RAB7A: variants seen among roughly 807,000 people sequenced by gnomAD.
The protein encoded by RAB7A is ras-related protein Rab-7a.
A neutral mutation model predicts 24.5 loss-of-function variants in RAB7A; 2 were observed. The ratio of observed to expected loss-of-function variants is 0.08; its 90% CI spans 0.03 to 0.26. The LOEUF (loss-of-function observed/expected upper bound fraction) is 0.26, where lower values mean the gene tolerates loss of function less well. Among genes scored for constraint, RAB7A ranks in the 10% least tolerant of loss-of-function variants. The pLI, the probability that RAB7A is intolerant of heterozygous loss-of-function variation, is 1.00. For synonymous variants in RAB7A, 100 were observed against 95.9 expected, an observed-to-expected ratio of 1.04 and a Z score of -0.25; for missense variants, 118 against 255.7, an observed-to-expected ratio of 0.46 and a Z score of 3.67.
At chr3:128,796,976 T>C (rs570600095) in intron 2 of RAB7A, among the ~76,000 whole-genome samples, 2 of 152,240 alleles carry the variant, frequency 1.3e-5, no homozygotes, top group African/African-American at 4.8e-5. Context: ...TGAAGAACCT[T>C]TTGTTCGCTA....
At chr3:128,795,984 C>T (rs2107611296) in intron 2 of RAB7A, among the ~76,000 whole-genome samples, 1 of 151,840 alleles carries the variant, frequency 6.6e-6, no homozygotes, top group Non-Finnish European at 1.5e-5. Flanking sequence ...ATCTCCTGAC[C>T]TCGTGATCCG....
intron 1 of RAB7A, among the ~76,000 whole-genome samples, chr3:128,768,969 C>CT (rs35457218): frequency 0.035 from 2,576 of 72,600 alleles, 301 homozygotes; most frequent in African/African-American, 0.08. Context: ...TCTTTCTTTC[C>CT]TTTTTTTTTT....
intron 1 of RAB7A, among the ~76,000 whole-genome samples, chr3:128,758,549 T>C (rs1316972596): frequency 1.3e-5 from 2 of 152,136 alleles, no homozygotes; most frequent in Non-Finnish European, 2.9e-5. Context: ...TGCTGGGAAT[T>C]ACAGGCGTGA....
chr3:128,728,090 A>G (rs796175548), intron 1 of RAB7A, among the ~76,000 whole-genome samples: 7 of 152,294 alleles, frequency 4.6e-5, no homozygotes, highest in African/African-American at 1.7e-4. Flanking sequence ...TTGAGTATCC[A>G]TTGAGTATCA....
At chr3:128,735,216 T>C (rs771231454) in intron 1 of RAB7A, among the ~76,000 whole-genome samples, 2 of 152,194 alleles carry the variant, frequency 1.3e-5, no homozygotes, top group Non-Finnish European at 2.9e-5. Context: ...GTTGAGTGGA[T>C]TTTTAAATAA....
intron 3 of RAB7A, among the ~76,000 whole-genome samples, chr3:128,798,671 C>A (rs1346548851): frequency 6.6e-6 from 1 of 151,770 alleles, no homozygotes; most frequent in African/African-American, 2.4e-5. Context: ...CCCATTGAGT[C>A]ATTTTGTTTG....
At chr3:128,802,980 AT>A (rs906274473) in intron 3 of RAB7A, among the ~76,000 whole-genome samples, 1 of 151,502 alleles carries the variant, frequency 6.6e-6, no homozygotes, top group South Asian at 2.1e-4. Context: ...AATTTTTTGT[AT>A]TTATTTTTAG....
At chr3:128,746,816 A>G (rs1475960108) in intron 1 of RAB7A, among the ~76,000 whole-genome samples, 2 of 151,300 alleles carry the variant, frequency 1.3e-5, no homozygotes, top group Admixed American at 6.6e-5. Context: ...GGTGTGAGCC[A>G]CCCGGCCCGG....
At chr3:128,788,407 T>C (rs745911256) in intron 1 of RAB7A, among the ~76,000 whole-genome samples, 1 of 152,206 alleles carries the variant, frequency 6.6e-6, no homozygotes, top group Non-Finnish European at 1.5e-5. Flanking sequence ...CTGTGACACC[T>C]CATACTGCAA....
intron 1 of RAB7A, among the ~76,000 whole-genome samples, chr3:128,794,535 T>A (rs565006611): frequency 6.6e-6 from 1 of 152,306 alleles, no homozygotes; most frequent in African/African-American, 2.4e-5. Context: ...AAGAGGAAAC[T>A]AACAAGTAGT....
chr3:128,756,257 C>T lies in RAB7A; in HGVS notation c.-9+29898C>T, dbSNP rs530113516. 6.7e-5 allele frequency among the ~76,000 whole-genome samples: 10 copies of T among 148,326 alleles called. No individual in the cohort carries two copies. The South Asian group carries it at 1.9e-3, about 28-fold the overall frequency. On this transcript the variant is annotated intron_variant, in intron 1 of 5. Coordinates refer to ENST00000265062, the MANE Select transcript of RAB7A (RefSeq NM_004637.6). ...AGGTGGGAGGCTGAGGCAGGAGAAT[C>T]GCTTGGAGGCAGGAGAATCGCTTGA...
chr3:128,759,699 G>A (rs9831813), intron 1 of RAB7A, among the ~76,000 whole-genome samples: 32,913 of 151,724 alleles, frequency 0.22, 5,095 homozygotes, highest in African/African-American at 0.43. Flanking sequence ...ATATCTGCCC[G>A]TGTATGATGG....
chr3:128,729,557 G>A (rs188747347), intron 1 of RAB7A, among the ~76,000 whole-genome samples: 59 of 142,798 alleles, frequency 4.1e-4, no homozygotes, highest in African/African-American at 1.4e-3. Context: ...GCGACAGAGC[G>A]AGACTTCTTC....
Position 128,726,227 on chromosome 3 carries a change from C to T in RAB7A, c.-141C>T. ...GAGGCGGCGGCAGCGGCGGAGTTGG[C>T]GGCTTGGAGAGCTCGGGAGAGTTCC... On this transcript the variant is annotated 5_prime_UTR_variant, in exon 1 of 6. Transcript: ENST00000265062. The T allele has an allele frequency of 6.5e-6, 1 of 154,196 alleles. No homozygotes were observed. Among genetic ancestry groups the T allele is most frequent in the Non-Finnish European group, 1.4e-5 (1 of 68,972 alleles). 9.6% of individuals were successfully genotyped at this position (154,196 alleles called of 1,614,324 possible). A position where few individuals can be genotyped will look rare whatever the true frequency, so the allele number is the denominator to read the frequency against.
intron 1 of RAB7A, among the ~76,000 whole-genome samples, chr3:128,785,902 C>G (rs1313438325): frequency 2.0e-5 from 3 of 152,056 alleles, no homozygotes; most frequent in Non-Finnish European, 4.4e-5. Flanking sequence ...TACTGAGTTT[C>G]TTCCTAGAGG....
chr3:128,738,631 T>G (rs113772914), intron 1 of RAB7A, among the ~76,000 whole-genome samples: 88 of 152,342 alleles, frequency 5.8e-4, no homozygotes, highest in African/African-American at 2.0e-3. Context: ...TCCCTGGGGC[T>G]TGCCACAGAT....
At position 128,813,553 on chromosome 3, in the gene RAB7A, C is replaced by T. The variant is rs1933973490; in HGVS notation, c.*131C>T. On this transcript the variant is annotated 3_prime_UTR_variant, in exon 6 of 6. Coordinates refer to ENST00000265062, the MANE Select transcript of RAB7A (RefSeq NM_004637.6). The stretch of plus-strand genomic sequence containing the variant: ...TCACATCCAGCTGCCAAAAGAAAAC[C>T]CCATCAAACACAGTTACACCCCACA... 1 of 816,646 alleles carries T rather than the reference C, an allele frequency of 1.2e-6. No individual in the cohort carries two copies. The highest frequency in any genetic ancestry group is 2.6e-5 in the East Asian group (1 of 37,924). 50.6% of individuals were successfully genotyped at this position (816,646 alleles called of 1,614,324 possible).
intron 1 of RAB7A, among the ~76,000 whole-genome samples, chr3:128,778,906 T>C (rs185500518): frequency 1.8e-4 from 28 of 152,280 alleles, no homozygotes; most frequent in Middle Eastern, 3.4e-3. Flanking sequence ...ATTGGTACTT[T>C]GCTGCCTCAC....
intron 1 of RAB7A, among the ~76,000 whole-genome samples, chr3:128,737,162 C>T (rs376911096): frequency 3.3e-5 from 5 of 151,436 alleles, no homozygotes; most frequent in Non-Finnish European, 5.9e-5. Flanking sequence ...CTCAGCTTCC[C>T]GAGTAGCTAG....
Sources: allele counts gnomAD v4.1 joint callset (sites outside exome capture counted in the v4.1 genomes callset), GRCh38; gene constraint gnomAD v4.1.1; transcripts MANE v1.5; gene names NCBI Gene and HGNC (gene_info 2026-07-23, HGNC 2026-07-21).